Variants in SOX5 observed in about 807,000 individuals in gnomAD.
SOX5 encodes SRY-box transcription factor 5.
A neutral mutation model predicts 92.0 loss-of-function variants in SOX5; 9 were observed. The ratio of observed to expected loss-of-function variants is 0.10; its 90% CI spans 0.06 to 0.17. The LOEUF (loss-of-function observed/expected upper bound fraction) is 0.17. Among genes scored for constraint, SOX5 ranks in the 10% least tolerant of loss-of-function variants. The probability of loss-of-function intolerance (pLI) is 1.00; values close to 1 mark genes in which losing one functional copy is unlikely to be tolerated. For synonymous variants in SOX5, 344 were observed against 336.3 expected (o/e 1.02, Z -0.25); for missense variants, 642 against 944.5 (o/e 0.68, Z 4.20).
intron 7 of SOX5, among the ~76,000 whole-genome samples, chr12:23,651,986 ACCT>A (rs2081629361): frequency 1.3e-5 from 2 of 151,904 alleles, no homozygotes; most frequent in South Asian, 4.1e-4. Flanking sequence ...ATGCACAATT[ACCT>A]CCTATCCTAA....
chr12:24,446,181 C>T (rs1941444078), intron 1 of SOX5, among the ~76,000 whole-genome samples: 2 of 152,072 alleles, frequency 1.3e-5, no homozygotes, highest in Admixed American at 1.3e-4. Context: ...TGAGAGCAGG[C>T]AGATAACAAA....
At chr12:23,622,785 T>G (rs555334505) in intron 8 of SOX5, among the ~76,000 whole-genome samples, 1 of 152,270 alleles carries the variant, frequency 6.6e-6, no homozygotes, top group South Asian at 2.1e-4. Flanking sequence ...TACTATTATT[T>G]TATTGACAGA....
chr12:24,396,660 G>A (rs1188406869), intron 1 of SOX5, among the ~76,000 whole-genome samples: 2 of 152,196 alleles, frequency 1.3e-5, no homozygotes, highest in African/African-American at 2.4e-5. Flanking sequence ...GAATCTTGTA[G>A]CACAAGTTAA....
intron 4 of SOX5, among the ~76,000 whole-genome samples, chr12:23,992,839 G>C (rs1398549996): frequency 6.6e-6 from 1 of 152,112 alleles, no homozygotes; most frequent in Non-Finnish European, 1.5e-5. Flanking sequence ...TTGGTGAGAT[G>C]GCTCTATGTC....
At chr12:24,202,664 G>A (rs1957635209) in intron 4 of SOX5, among the ~76,000 whole-genome samples, 1 of 152,036 alleles carries the variant, frequency 6.6e-6, no homozygotes, top group Non-Finnish European at 1.5e-5. Flanking sequence ...ACTTTTTAAG[G>A]GTCCTGCCAG....
intron 4 of SOX5, among the ~76,000 whole-genome samples, chr12:24,091,193 T>C (rs1416353896): frequency 1.3e-5 from 2 of 152,218 alleles, no homozygotes; most frequent in African/African-American, 4.8e-5. Flanking sequence ...CCATAGGTAC[T>C]GATGCTTTCA....
intron 1 of SOX5, among the ~76,000 whole-genome samples, chr12:24,468,835 G>A (rs1009076299): frequency 6.6e-6 from 1 of 152,072 alleles, no homozygotes; most frequent in African/African-American, 2.4e-5. Flanking sequence ...TACATCAACA[G>A]TCACCATGCC....
At chr12:24,100,842 C>A (rs73275486) in intron 4 of SOX5, among the ~76,000 whole-genome samples, 170 of 152,198 alleles carry the variant, frequency 1.1e-3, no homozygotes, top group African/African-American at 4.0e-3. Context: ...AGTCCAGTCC[C>A]AAAATACAGA....
chr12:24,309,415 A>AT (rs1392485633), intron 2 of SOX5, among the ~76,000 whole-genome samples: 1 of 152,178 alleles, frequency 6.6e-6, no homozygotes, highest in Non-Finnish European at 1.5e-5. Flanking sequence ...GAAGTAAGCT[A>AT]TTATTGTTAT....
At chr12:23,792,845 C>G (rs1340662057) in intron 3 of SOX5, among the ~76,000 whole-genome samples, 1 of 152,012 alleles carries the variant, frequency 6.6e-6, no homozygotes, top group Non-Finnish European at 1.5e-5. Context: ...AAATATTTTA[C>G]TGTCCTGGAT....
intron 1 of SOX5, among the ~76,000 whole-genome samples, chr12:24,388,949 T>C (rs1958694290): frequency 6.6e-6 from 1 of 152,100 alleles, no homozygotes; most frequent in Non-Finnish European, 1.5e-5. Context: ...TATCAATATA[T>C]TATTTTTATT....
At chr12:24,228,102 C>T (rs1962497636) in intron 3 of SOX5, among the ~76,000 whole-genome samples, 7 of 152,134 alleles carry the variant, frequency 4.6e-5, no homozygotes, top group South Asian at 2.1e-4. Flanking sequence ...CTGGTGTGCC[C>T]GGGTCTCAGA....
chr12:24,182,111 G>C (rs934987548), intron 4 of SOX5, among the ~76,000 whole-genome samples: 3 of 152,130 alleles, frequency 2.0e-5, no homozygotes, highest in Non-Finnish European at 4.4e-5. Flanking sequence ...AATTTTTAGA[G>C]ATAATAGTTA....
intron 4 of SOX5, among the ~76,000 whole-genome samples, chr12:23,971,120 A>ATTTTTT (rs1460686832): frequency 2.1e-4 from 3 of 14,510 alleles, no homozygotes; most frequent in Admixed American, 1.3e-3. Context: ...GTGTCAGCTG[A>ATTTTTT]CTTTTTTTTT....
chr12:24,200,741 A>G (rs1957437755), intron 4 of SOX5, among the ~76,000 whole-genome samples: 1 of 152,190 alleles, frequency 6.6e-6, no homozygotes, highest in African/African-American at 2.4e-5. Flanking sequence ...ATGAGACAAC[A>G]CAATCAGAAT....
At chr12:24,458,363 T>C (rs754175690) in intron 1 of SOX5, among the ~76,000 whole-genome samples, 1 of 152,114 alleles carries the variant, frequency 6.6e-6, no homozygotes. Flanking sequence ...AAACCCTGAG[T>C]AGACTTTTAA....
At chr12:23,825,454 T>C (rs954692031) in intron 3 of SOX5, among the ~76,000 whole-genome samples, 1 of 152,204 alleles carries the variant, frequency 6.6e-6, no homozygotes, top group Non-Finnish European at 1.5e-5. Flanking sequence ...CAGTTGGAAA[T>C]GCAGAAATCA....
chr12:23,882,191 T>C (rs910902227), intron 2 of SOX5, among the ~76,000 whole-genome samples: 15 of 152,150 alleles, frequency 9.9e-5, no homozygotes, highest in Admixed American at 6.5e-5. Flanking sequence ...CCATATCATA[T>C]CCTTTTTAAC....
rs1567923281 is a variant in SOX5, at chr12:23,806,654, G to GA, written c.481+39328_481+39329insT. Among the ~76,000 whole-genome samples the GA allele has an allele frequency of 3.3e-3, 432 of 131,334 alleles. 2 individuals are homozygous for GA. Among genetic ancestry groups the GA allele is most frequent in the African/African-American group, 8.7e-3 (299 of 34,562 alleles). 86.2% of individuals were successfully genotyped at this position (131,334 alleles called of 152,430 possible). Reference sequence around the variant, plus strand: ...GCATAGCATCACAGAATAGTGGAGTGGAAAAAAAAAAAAAGACAGGGATTT... The same window carrying GA: ...GCATAGCATCACAGAATAGTGGAGTGAGAAAAAAAAAAAAAGACAGGGATTT... On this transcript the variant is annotated intron_variant, in intron 3 of 14. Transcript: ENST00000451604.
Sources: allele counts gnomAD v4.1 joint callset (sites outside exome capture counted in the v4.1 genomes callset), GRCh38; gene constraint gnomAD v4.1.1; transcripts MANE v1.5; gene names NCBI Gene and HGNC (gene_info 2026-07-23, HGNC 2026-07-21).